Variants in BLTP3A observed in about 807,000 individuals in gnomAD.
BLTP3A encodes the protein bridge-like lipid transfer protein family member 3A.
chr6:34,821,873 A>T, the BLTP3A span: 3 of 1,614,148 alleles, frequency 1.9e-6, no homozygotes, highest in Admixed American at 5.0e-5. Flanking sequence ...TGCTTTCTGG[A>T]GGGTCAGCTA....
chr6:34,833,616 T>C, the BLTP3A span, among the ~76,000 whole-genome samples: 2 of 151,360 alleles, frequency 1.3e-5, no homozygotes, highest in African/African-American at 4.9e-5. Context: ...ATTCCATTCT[T>C]AAAAAAAAAT....
the BLTP3A span, among the ~76,000 whole-genome samples, chr6:34,827,329 A>G: frequency 5.9e-5 from 9 of 151,894 alleles, no homozygotes; most frequent in Non-Finnish European, 1.3e-4. Flanking sequence ...GAAAAAAAAC[A>G]AAACAAAGAA....
At chr6:34,797,342 T>G in the BLTP3A span, among the ~76,000 whole-genome samples, 1 of 152,088 alleles carries the variant, frequency 6.6e-6, no homozygotes, top group Non-Finnish European at 1.5e-5. Context: ...CATAGAAGAG[T>G]TCAGCATTTC....
chr6:34,855,492 T>C, the BLTP3A span: 5 of 1,087,336 alleles, frequency 4.6e-6, no homozygotes, highest in South Asian at 1.5e-5. Context: ...TCCTGGCCTT[T>C]TGGCTGCACC....
the BLTP3A span, chr6:34,834,810 A>G: frequency 2.5e-6 from 4 of 1,614,198 alleles, no homozygotes; most frequent in Non-Finnish European, 1.7e-6. Flanking sequence ...TCACCACTCC[A>G]TTGAGGCTTA....
chr6:34,857,383 C>T, the BLTP3A span: 85 of 1,614,044 alleles, frequency 5.3e-5, no homozygotes, highest in Admixed American at 1.3e-4. Context: ...TTCCTGCAGT[C>T]GGAAACTTCA....
the BLTP3A span, among the ~76,000 whole-genome samples, chr6:34,833,563 T>C: frequency 6.6e-6 from 1 of 152,158 alleles, no homozygotes; most frequent in Non-Finnish European, 1.5e-5. Flanking sequence ...ATCAATTTAT[T>C]CTTTCTAACA....
At chr6:34,842,384 T>G in the BLTP3A span, among the ~76,000 whole-genome samples, 1 of 152,218 alleles carries the variant, frequency 6.6e-6, no homozygotes, top group African/African-American at 2.4e-5. Context: ...TTCAGAACAT[T>G]TTTGTTTCCC....
the BLTP3A span, chr6:34,834,296 G>T: frequency 6.2e-7 from 1 of 1,614,066 alleles, no homozygotes; most frequent in East Asian, 2.2e-5. Flanking sequence ...TCACTCCAAG[G>T]CCTTCCACGC....
the BLTP3A span, among the ~76,000 whole-genome samples, chr6:34,822,852 GAAAAA>G: frequency 7.3e-6 from 1 of 136,896 alleles, no homozygotes; most frequent in African/African-American, 2.7e-5. Flanking sequence ...TCTGTTTCGG[GAAAAA>G]AAAAAAAAAA....
At chr6:34,823,473 A>G in the BLTP3A span, 3 of 717,060 alleles carry the variant, frequency 4.2e-6, no homozygotes, top group Non-Finnish European at 7.3e-6. Context: ...AAAATGGTAT[A>G]AGAACCTCCA....
the BLTP3A span, chr6:34,792,138 C>CGGCGGCGGCGGCGGCGGCGGCGGCTGT: frequency 1.1e-6 from 1 of 952,296 alleles, no homozygotes; most frequent in Non-Finnish European, 1.4e-6. Context: ...GCGGCGGCGG[C>CGGCGGCGGCGGCGGCGGCGGCGGCTGT]GGCTGTGTCC....
chr6:34,871,340 A>G, the BLTP3A span, among the ~76,000 whole-genome samples: 82 of 152,276 alleles, frequency 5.4e-4, 1 homozygote, highest in African/African-American at 2.0e-3. Flanking sequence ...TCAGGTGAGG[A>G]GACCTTGTCT....
chr6:34,856,806 T>C, the BLTP3A span: 1 of 1,613,660 alleles, frequency 6.2e-7, no homozygotes, highest in Non-Finnish European at 8.5e-7. Flanking sequence ...TTTCCAGTCC[T>C]CGAAAGAACC....
the BLTP3A span, chr6:34,856,927 C>T: frequency 2.5e-6 from 4 of 1,612,084 alleles, no homozygotes; most frequent in Non-Finnish European, 3.4e-6. Context: ...GGACATCCAC[C>T]AGGTGAGGAC....
At chr6:34,840,876 T>G in the BLTP3A span, among the ~76,000 whole-genome samples, 1 of 152,032 alleles carries the variant, frequency 6.6e-6, no homozygotes, top group Non-Finnish European at 1.5e-5. Flanking sequence ...CCTCCCAAAG[T>G]GCTGGGATTA....
At chr6:34,823,620 G>A in the BLTP3A span, among the ~76,000 whole-genome samples, 1 of 145,072 alleles carries the variant, frequency 6.9e-6, no homozygotes, top group African/African-American at 2.6e-5. Flanking sequence ...ACAGTTCACT[G>A]TAGCCTCGAC....
At chr6:34,859,594 C>T in the BLTP3A span, 1 of 1,610,338 alleles carries the variant, frequency 6.2e-7, no homozygotes, top group Non-Finnish European at 8.5e-7. Flanking sequence ...GTACCTCCTT[C>T]ACTCATCCCA....
chr6:34,811,349 T>A, the BLTP3A span, among the ~76,000 whole-genome samples: 1 of 152,198 alleles, frequency 6.6e-6, no homozygotes, highest in South Asian at 2.1e-4. Flanking sequence ...CACAAAGGAT[T>A]TTTTAATGCC....
Sources: gnomAD v4.1 joint callset for allele counts (sites outside exome capture counted in the v4.1 genomes callset) on GRCh38, gnomAD v4.1.1 for gene constraint, MANE v1.5 for transcripts, NCBI Gene and HGNC (gene_info 2026-07-23, HGNC 2026-07-21) for gene names.